The following FBXW4 variants were observed in gnomAD, a reference collection of about 807,000 sequenced individuals.
The protein encoded by FBXW4 is F-box and WD repeat domain containing 4.
FBXW4 carries 40 observed loss-of-function variants against 61.8 expected under a neutral mutation model. That is an observed-to-expected ratio of 0.65 (90% CI 0.50 to 0.84). The LOEUF (loss-of-function observed/expected upper bound fraction) is 0.84. Among genes scored for constraint, FBXW4 ranks in the 40% least tolerant of loss-of-function variants. The pLI is 0.00. For missense variants in FBXW4, 672 were observed against 753.8 expected (o/e 0.89, Z 1.27); for synonymous variants, 311 against 313.8 (o/e 0.99, Z 0.10).
Position 101,694,484 on chromosome 10 carries a change from G to T in FBXW4, c.622C>A (p.Gln208Lys). 6.5e-7 allele frequency: 1 copy of T among 1,528,238 alleles called. No individual in the cohort carries two copies. The highest frequency in any genetic ancestry group is 2.6e-5 in the East Asian group (1 of 37,812). The allele number at this position is 1,528,238 out of a possible 1,614,324, so 94.7% of individuals were successfully genotyped here. A position where few individuals can be genotyped will look rare whatever the true frequency, so the allele number is the denominator to read the frequency against. Residue 208 changes from glutamine (Q) to lysine (K), a missense_variant, in exon 1 of 9, where the codon CAG becomes AAG. By Grantham distance (53) the Gln-to-Lys change is moderately conservative (BLOSUM62 1). This residue lies in a region of FBXW4 where 311 missense variants were observed against 301.1 expected (regional missense o/e 1.03). Transcript: ENST00000331272. The surrounding 1 kb of genome is among the most constrained non-coding windows in gnomAD (Gnocchi z 6.0). ...LDMRALGRLAQVCRWLRRFTS... is the reference protein window; with the variant it reads ...LDMRALGRLAKVCRWLRRFTS... ...AAGCGCCGCAGCCAGCGGCACACCT[G>T]GGCCAGGCGGCCGAGGGCCCGCATG...
rs2064655877 is a variant in FBXW4, at chr10:101,694,648, C to T, written c.458G>A (p.Gly153Glu). Residue 153 changes from glycine (G) to glutamate (E), a missense_variant, in exon 1 of 9, where the codon GGG becomes GAG. Around this residue, in one of 5 missense-constraint regions of FBXW4, gnomAD observed 311 missense variants for 301.1 expected, o/e 1.03. Coordinates refer to ENST00000331272, the MANE Select transcript of FBXW4 (RefSeq NM_022039.4). The surrounding 1 kb of genome is among the most constrained non-coding windows in gnomAD (Gnocchi z 6.0). ...CCCGGCCGCCGCCGCCATGGCCACC[C>T]CTGTCCCCGCGATGTCGGCCCAAGC... ...GQAWADIAGT[G>E]VAMAAAAGEE... is the part of the protein sequence containing the mutation. 10 of 1,415,530 alleles carry T rather than the reference C, an allele frequency of 7.1e-6. No individual in the cohort carries two copies. Among genetic ancestry groups the T allele is most frequent in the Non-Finnish European group, 9.1e-6 (10 of 1,095,114 alleles). 87.7% of individuals were successfully genotyped at this position (1,415,530 alleles called of 1,614,324 possible).
intron 1 of FBXW4, among the ~76,000 whole-genome samples, chr10:101,690,367 A>C (rs1170602754): frequency 6.6e-6 from 1 of 152,212 alleles, no homozygotes; most frequent in African/African-American, 2.4e-5. Context: ...TTTTATTGTT[A>C]TATTCAGGAT....
chr10:101,663,547 T>C (rs553964343), intron 5 of FBXW4, among the ~76,000 whole-genome samples: 4 of 152,192 alleles, frequency 2.6e-5, no homozygotes, highest in African/African-American at 9.6e-5. Flanking sequence ...ATCTCAGAAC[T>C]TCAGAAGGCC....
intron 5 of FBXW4, among the ~76,000 whole-genome samples, chr10:101,661,063 C>G (rs1355401663): frequency 6.6e-6 from 1 of 152,188 alleles, no homozygotes; most frequent in African/African-American, 2.4e-5. Context: ...AGAATTTAAA[C>G]ACTAGACTGA....
intron 5 of FBXW4, among the ~76,000 whole-genome samples, chr10:101,652,692 C>A (rs988399561): frequency 6.6e-6 from 1 of 152,146 alleles, no homozygotes; most frequent in Non-Finnish European, 1.5e-5. Flanking sequence ...CATGCATCAA[C>A]ATTAGGGGTA....
At chr10:101,666,693 G>A (rs988136207) in intron 5 of FBXW4, among the ~76,000 whole-genome samples, 5 of 152,152 alleles carry the variant, frequency 3.3e-5, no homozygotes, top group African/African-American at 1.2e-4. Context: ...CTGGGGAGGA[G>A]AGGGATTCTG....
At chr10:101,653,152 G>A (rs535140568) in intron 5 of FBXW4, among the ~76,000 whole-genome samples, 6 of 152,212 alleles carry the variant, frequency 3.9e-5, no homozygotes, top group Non-Finnish European at 4.4e-5. Flanking sequence ...TCTCCCTGAT[G>A]TGCAGTCATG....
chr10:101,667,841 C>T (rs765859487), intron 5 of FBXW4, 45 bp downstream of exon 5: 7 of 1,483,888 alleles, frequency 4.7e-6, no homozygotes, highest in Non-Finnish European at 3.8e-6. Flanking sequence ...AAAATAAAAG[C>T]ATTATTATAC....
chr10:101,625,951 G>T (rs1395343421), intron 5 of FBXW4: 1 of 152,240 alleles, frequency 6.6e-6, no homozygotes, highest in African/African-American at 2.4e-5. Context: ...CCACAGAGAG[G>T]GCCCTGGAGA....
At chr10:101,632,537 C>T (rs1271907985) in intron 5 of FBXW4, among the ~76,000 whole-genome samples, 1 of 152,096 alleles carries the variant, frequency 6.6e-6, no homozygotes, top group Non-Finnish European at 1.5e-5. Context: ...GTTTCTGATT[C>T]ACTCAAGAAT....
At chr10:101,662,537 C>A (rs1345271705) in intron 5 of FBXW4, among the ~76,000 whole-genome samples, 1 of 152,150 alleles carries the variant, frequency 6.6e-6, no homozygotes, top group Admixed American at 6.5e-5. Flanking sequence ...TACACCTATA[C>A]CACTCATATA....
intron 5 of FBXW4, among the ~76,000 whole-genome samples, chr10:101,655,685 A>G (rs1313236419): frequency 6.6e-6 from 1 of 151,752 alleles, no homozygotes; most frequent in African/African-American, 2.4e-5. Context: ...GGCGGAAAAT[A>G]GCAGGAGAAG....
chr10:101,676,782 T>C (rs1316402945), intron 1 of FBXW4: 1 of 152,502 alleles, frequency 6.6e-6, no homozygotes, highest in Non-Finnish European at 1.4e-5. Flanking sequence ...GGAAAAGTAA[T>C]TCAAAACAGA....
At chr10:101,665,811 A>AGAG (rs914442743) in intron 5 of FBXW4, among the ~76,000 whole-genome samples, 4 of 152,108 alleles carry the variant, frequency 2.6e-5, no homozygotes, top group African/African-American at 9.6e-5. Context: ...AACACATTCC[A>AGAG]GAGGAGGAGG....
Position 101,624,748 on chromosome 10 carries a change from T to C in FBXW4, c.1298A>G (p.Asn433Ser). ...HFSPLRIWDL[N>S]SGQLMTHLGS... Reference sequence around the variant, plus strand: ...CATGGGCTCATGAATCTCTTACCTGTTGAGGTCCCAGATTCTCAGGGGTGA... The same window carrying C: ...CATGGGCTCATGAATCTCTTACCTGCTGAGGTCCCAGATTCTCAGGGGTGA... Residue 433 changes from asparagine (N) to serine (S), a missense_variant, in exon 6 of 9, where the codon AAC becomes AGC. Physicochemically the swap from Asn to Ser is conservative, Grantham distance 46. Coordinates refer to ENST00000331272, the MANE Select transcript of FBXW4 (RefSeq NM_022039.4). 1 of 1,614,184 alleles carries C rather than the reference T, an allele frequency of 6.2e-7. No individual in the cohort carries two copies. Among genetic ancestry groups the C allele is most frequent in the Non-Finnish European group, 8.5e-7 (1 of 1,180,026 alleles).
At chr10:101,634,524 G>A (rs949500951) in intron 5 of FBXW4, among the ~76,000 whole-genome samples, 3 of 149,324 alleles carry the variant, frequency 2.0e-5, no homozygotes, top group African/African-American at 7.5e-5. Flanking sequence ...AACATACTTT[G>A]TATGATATTC....
At chr10:101,622,660 AGAGCTTGCAGT>A (rs2063876177) in intron 6 of FBXW4, among the ~76,000 whole-genome samples, 1 of 148,522 alleles carries the variant, frequency 6.7e-6, no homozygotes, top group African/African-American at 2.5e-5. Flanking sequence ...CTCAGGAGGC[AGAGCTTGCAGT>A]GAGCTGAGAT....
Position 101,612,478 on chromosome 10 carries a change from C to A in FBXW4, c.1302-1G>T. 1.3e-6 allele frequency: 2 copies of A among 1,564,046 alleles called. No individual in the cohort carries two copies. The highest frequency in any genetic ancestry group is 1.7e-6 in the Non-Finnish European group (2 of 1,153,372). Reference sequence around the variant, plus strand: ...GCCCAAGTGTGTCATCAGCTGCCCACTGGGAAGGGAAGGACGGAGTGAGAG... The same window carrying A: ...GCCCAAGTGTGTCATCAGCTGCCCAATGGGAAGGGAAGGACGGAGTGAGAG... On this transcript the variant is annotated splice_acceptor_variant, in intron 6 of 8. Transcript: ENST00000331272. LOFTEE classifies it high-confidence loss of function.
At chr10:101,621,606 A>G (rs190113774) in intron 6 of FBXW4, among the ~76,000 whole-genome samples, 2 of 152,296 alleles carry the variant, frequency 1.3e-5, no homozygotes, top group African/African-American at 4.8e-5. Context: ...GACAGCTTGC[A>G]TTAGTTGAAT....
Sources: gnomAD v4.1 joint callset for allele counts (sites outside exome capture counted in the v4.1 genomes callset) on GRCh38, gnomAD v4.1.1 for gene constraint, gnomAD v4.1.1 regional missense constraint, Gnocchi (gnomAD v3.1) non-coding constraint, MANE v1.5 for transcripts, NCBI Gene and HGNC (gene_info 2026-07-23, HGNC 2026-07-21) for gene names.